Variants in COL4A2 observed in about 807,000 individuals in gnomAD.
COL4A2 encodes the protein collagen type IV alpha 2 chain, also known as collagen alpha-2(IV) chain.
Under a neutral mutation model 200.2 loss-of-function variants are expected in COL4A2, and 99 were observed. The observed-to-expected ratio is 0.49, with a 90% CI of 0.42 to 0.58. The LOEUF (loss-of-function observed/expected upper bound fraction) is 0.58. COL4A2 is among the 20% of genes least tolerant of loss of function. COL4A2 has a pLI of 0.00. For synonymous variants in COL4A2, 897 were observed against 900.6 expected, an observed-to-expected ratio of 1.00 and a Z score of 0.07; for missense variants, 1,950 against 2,314.1, an observed-to-expected ratio of 0.84 and a Z score of 3.23.
chr13:110,484,393 G>T (rs1000944159), intron 32 of COL4A2, among the ~76,000 whole-genome samples: 3 of 152,004 alleles, frequency 2.0e-5, no homozygotes, highest in Admixed American at 1.3e-4. Flanking sequence ...ACAGTTTCCC[G>T]CCCGGCCCGC....
intron 4 of COL4A2, among the ~76,000 whole-genome samples, chr13:110,408,210 G>A (rs1256248790): frequency 6.6e-6 from 1 of 152,222 alleles, no homozygotes; most frequent in Admixed American, 6.5e-5. Context: ...GAGGGAGGGG[G>A]CAGCTGTGCT....
intron 4 of COL4A2, among the ~76,000 whole-genome samples, chr13:110,368,161 T>C (rs1877836216): frequency 6.6e-6 from 1 of 152,192 alleles, no homozygotes; most frequent in South Asian, 2.1e-4. Flanking sequence ...GAAGAATGCA[T>C]TGGAGACTGA....
chr13:110,470,252 T>C (rs1401836928), intron 28 of COL4A2, among the ~76,000 whole-genome samples: 1 of 152,168 alleles, frequency 6.6e-6, no homozygotes, highest in African/African-American at 2.4e-5. Flanking sequence ...AATGAAACCA[T>C]GGAAGCCATT....
chr13:110,484,806 G>C (rs1029162930), intron 32 of COL4A2, 99 bp from the exon 33 acceptor site: 1 of 1,438,188 alleles, frequency 7.0e-7, no homozygotes, highest in Non-Finnish European at 9.2e-7. Flanking sequence ...CTGCTTGGGG[G>C]AGACGTGCAG....
intron 4 of COL4A2, among the ~76,000 whole-genome samples, chr13:110,370,955 A>T (rs1877978648): frequency 6.6e-6 from 1 of 152,276 alleles, no homozygotes; most frequent in African/African-American, 2.4e-5. Flanking sequence ...GAGGAAGTTA[A>T]CAAAAAGAAC....
chr13:110,322,659 A>G (rs887820811), intron 3 of COL4A2, among the ~76,000 whole-genome samples: 1 of 152,164 alleles, frequency 6.6e-6, no homozygotes, highest in African/African-American at 2.4e-5. Flanking sequence ...TTCCTGTGGT[A>G]CTGGGGTCAG....
intron 17 of COL4A2, 92 bp from the exon 18 acceptor site, chr13:110,446,706 C>G: frequency 3.7e-6 from 4 of 1,081,224 alleles, no homozygotes. Context: ...GCCTGACGGT[C>G]CACGCTCGGG....
At position 110,480,386 on chromosome 13, in the gene COL4A2, A is replaced by G. The variant is rs1245698298; in HGVS notation, c.2754A>G (p.Leu918=). 3 of 1,610,790 alleles carry G rather than the reference A, an allele frequency of 1.9e-6. No homozygotes were observed. Among genetic ancestry groups the G allele is most frequent in the East Asian group, 4.5e-5 (2 of 44,800 alleles). The change falls in exon 31 of 48, where the codon CTA becomes CTG. Residue 918 remains leucine, a synonymous_variant. Coordinates refer to ENST00000360467, the MANE Select transcript of COL4A2 (RefSeq NM_001846.4). ...GIDGMPGTPG[L]KGDRGSPGMD... ...ATGGAATGCCTGGGACCCCCGGGCT[A>G]AAAGGTAATTGTGTGACTGTGACCA...
At chr13:110,480,461 G>A in intron 31 of COL4A2, 71 bp downstream of exon 31, 1 of 1,471,108 alleles carries the variant, frequency 6.8e-7, no homozygotes, top group Non-Finnish European at 9.1e-7. Context: ...ACCTGAGACA[G>A]CTCTGCTGGG....
chr13:110,480,505 T>A, intron 31 of COL4A2, 115 bp downstream of exon 31: 1 of 1,145,996 alleles, frequency 8.7e-7, no homozygotes, highest in Non-Finnish European at 1.2e-6. Flanking sequence ...GCCTCACACT[T>A]CTGCAGATTG....
rs1880397851 is a variant in COL4A2 at position 110,424,692 on chromosome 13, T to C, written c.181-42T>C. The C allele has an allele frequency of 2.1e-6, 3 of 1,426,882 alleles. No individual in the cohort carries two copies. In the East Asian group the frequency reaches 6.8e-5, roughly 33 times the overall value. The allele number at this position is 1,426,882 out of a possible 1,614,324, so 88.4% of individuals were successfully genotyped here. A position where few individuals can be genotyped will look rare whatever the true frequency, so the allele number is the denominator to read the frequency against. ...AACCGTAACTGATCATGAGTATGTATTGTGATTAATCGTGGAAATTGAACC... is the reference window on the plus strand; with the variant it reads ...AACCGTAACTGATCATGAGTATGTACTGTGATTAATCGTGGAAATTGAACC... On this transcript the variant is annotated intron_variant, in intron 4 of 47. Transcript: ENST00000360467.
intron 20 of COL4A2, among the ~76,000 whole-genome samples, chr13:110,452,954 G>A (rs867351353): frequency 2.6e-4 from 40 of 151,742 alleles, no homozygotes; most frequent in African/African-American, 4.8e-4. Flanking sequence ...TGGTAGAGAC[G>A]GGGGTTTCAC....
chr13:110,385,426 TTACAGTGCCTGGATAGACCGTGGC>T (rs1878654250), intron 4 of COL4A2, among the ~76,000 whole-genome samples: 1 of 94,166 alleles, frequency 1.1e-5, no homozygotes, highest in Admixed American at 1.0e-4. Flanking sequence ...TAGACTGTGG[TTACAGTGCCTGGATAGACCGTGGC>T]TGCAGTGTGT....
intron 24 of COL4A2, among the ~76,000 whole-genome samples, chr13:110,464,999 G>A (rs556082496): frequency 1.7e-4 from 26 of 152,256 alleles, no homozygotes; most frequent in Admixed American, 1.1e-3. Flanking sequence ...TAACAACGTA[G>A]CATCTCTTAA....
chr13:110,502,951 CTT>C lies in COL4A2; in HGVS notation c.3878-167_3878-166del, dbSNP rs374988489. 361 of 648,616 alleles carry C rather than the reference CTT, an allele frequency of 5.6e-4. No homozygotes were observed. In the African/African-American group the frequency reaches 5.9e-3, roughly 11 times the overall value. 40.2% of individuals were successfully genotyped at this position (648,616 alleles called of 1,614,324 possible). ...CACCTAAAAATGATTAAAATGGTAA[CTT>C]TTATGTTCTACGTATTTTACGACAA... On this transcript the variant is annotated intron_variant, in intron 41 of 47. Transcript: ENST00000360467.
At chr13:110,427,607 A>G (rs1880516228) in intron 6 of COL4A2, among the ~76,000 whole-genome samples, 1 of 152,260 alleles carries the variant, frequency 6.6e-6, no homozygotes, top group South Asian at 2.1e-4. Context: ...ATATAGCTAA[A>G]TATCTATTGT....
chr13:110,356,859 C>T (rs1206704397), intron 3 of COL4A2, among the ~76,000 whole-genome samples: 1 of 151,788 alleles, frequency 6.6e-6, no homozygotes, highest in South Asian at 2.1e-4. Context: ...CTCCACCTCC[C>T]GGTTCAAGCG....
At chr13:110,378,988 G>A (rs147633365) in intron 4 of COL4A2, among the ~76,000 whole-genome samples, 4 of 152,148 alleles carry the variant, frequency 2.6e-5, no homozygotes, top group Non-Finnish European at 4.4e-5. Flanking sequence ...TCATGGAGCC[G>A]GGGGCATTTG....
In COL4A2 at chr13:110,450,360, C is replaced by A; in HGVS notation, c.1245C>A (p.Pro415=). ...EMGPKGFIGD[P]GIPALYGGPP... is the part of the protein sequence containing the mutation. The stretch of plus-strand genomic sequence containing the variant: ...GACCCAAGGGCTTCATCGGAGACCC[C>A]GGCATCCCTGCGCTCTACGGGGGCC... Residue 415 remains proline, a synonymous_variant, in exon 20 of 48, where the codon CCC becomes CCA. Transcript: ENST00000360467. The A allele has an allele frequency of 6.2e-7, 1 of 1,613,578 alleles. No individual in the cohort carries two copies. The highest frequency in any genetic ancestry group is 2.2e-5 in the East Asian group (1 of 44,876).
Sources: gnomAD v4.1 joint callset for allele counts (sites outside exome capture counted in the v4.1 genomes callset) on GRCh38, gnomAD v4.1.1 for gene constraint, MANE v1.5 for transcripts, NCBI Gene and HGNC (gene_info 2026-07-23, HGNC 2026-07-21) for gene names.